The following PTPN14 variants were observed in gnomAD, a reference collection of about 807,000 sequenced individuals.
The protein encoded by PTPN14 is protein tyrosine phosphatase non-receptor type 14, also known as tyrosine-protein phosphatase non-receptor type 14.
PTPN14 carries 53 observed loss-of-function variants against 126.8 expected under a neutral mutation model. That is an observed-to-expected ratio of 0.42 (90% CI 0.34 to 0.53). PTPN14 has a LOEUF of 0.53. Ranked by LOEUF, PTPN14 falls within the 20% of genes least tolerant of loss-of-function variation. The pLI is 0.08. For missense variants in PTPN14, 1,257 were observed against 1,552.9 expected (o/e 0.81, Z 3.20); for synonymous variants, 630 against 599.3 (o/e 1.05, Z -0.75).
intron 1 of PTPN14, among the ~76,000 whole-genome samples, chr1:214,509,412 C>G (rs1654917875): frequency 6.6e-6 from 1 of 152,226 alleles, no homozygotes; most frequent in Non-Finnish European, 1.5e-5. Flanking sequence ...CCTCACCTCT[C>G]TCAGTCTTCA....
At chr1:214,518,078 A>G (rs77381309) in intron 1 of PTPN14, among the ~76,000 whole-genome samples, 3 of 152,336 alleles carry the variant, frequency 2.0e-5, no homozygotes, top group African/African-American at 4.8e-5. Flanking sequence ...CTGAGCTACC[A>G]TATTTATTTC....
intron 3 of PTPN14, among the ~76,000 whole-genome samples, chr1:214,423,733 C>A (rs1322277435): frequency 2.0e-5 from 3 of 152,152 alleles, no homozygotes; most frequent in African/African-American, 7.2e-5. Flanking sequence ...GTAAACCCAG[C>A]ACTTTGGGAG....
chr1:214,463,554 G>C (rs983549049), intron 2 of PTPN14, among the ~76,000 whole-genome samples: 1 of 152,204 alleles, frequency 6.6e-6, no homozygotes, highest in Non-Finnish European at 1.5e-5. Context: ...CAGCCAGCCT[G>C]TGGAAGACGT....
chr1:214,522,340 G>A (rs151172947), intron 1 of PTPN14, among the ~76,000 whole-genome samples: 38 of 152,150 alleles, frequency 2.5e-4, no homozygotes, highest in African/African-American at 8.2e-4. Flanking sequence ...GGAAACCTAC[G>A]GCAAGTTTGG....
intron 3 of PTPN14, among the ~76,000 whole-genome samples, chr1:214,449,223 G>A (rs1660217581): frequency 6.6e-6 from 1 of 151,736 alleles, no homozygotes; most frequent in South Asian, 2.1e-4. Flanking sequence ...AGCCAGGATG[G>A]TCTCGATCTC....
At chr1:214,476,303 G>T (rs1170658399) in intron 1 of PTPN14, among the ~76,000 whole-genome samples, 2 of 152,130 alleles carry the variant, frequency 1.3e-5, no homozygotes, top group Non-Finnish European at 2.9e-5. Context: ...TTCCAGCCAG[G>T]GCAGATGACT....
At chr1:214,518,763 T>C (rs1326574804) in intron 1 of PTPN14, among the ~76,000 whole-genome samples, 3 of 152,150 alleles carry the variant, frequency 2.0e-5, no homozygotes, top group Non-Finnish European at 2.9e-5. Flanking sequence ...GATAAAGTTA[T>C]ATTCAGCTAA....
At chr1:214,545,143 C>CA (rs1449233993) in intron 1 of PTPN14, among the ~76,000 whole-genome samples, 1 of 152,068 alleles carries the variant, frequency 6.6e-6, no homozygotes, top group African/African-American at 2.4e-5. Context: ...AAATAGTACT[C>CA]AAAAAAGTAA....
chr1:214,541,625 T>G (rs576474608), intron 1 of PTPN14, among the ~76,000 whole-genome samples: 85 of 152,326 alleles, frequency 5.6e-4, no homozygotes, highest in African/African-American at 1.9e-3. Context: ...GATGTTATTC[T>G]TAGCTCATCT....
chr1:214,509,298 C>T (rs191558258), intron 1 of PTPN14, among the ~76,000 whole-genome samples: 17 of 152,332 alleles, frequency 1.1e-4, no homozygotes, highest in Admixed American at 2.6e-4. Context: ...GCTTCTACAT[C>T]AGCACTTGCT....
At chr1:214,365,741 T>C (rs1320642800) in intron 17 of PTPN14, among the ~76,000 whole-genome samples, 1 of 152,140 alleles carries the variant, frequency 6.6e-6, no homozygotes, top group African/African-American at 2.4e-5. Context: ...CTGAAGTGCT[T>C]TACCAAAAAA....
chr1:214,486,300 A>T (rs4655354), intron 1 of PTPN14, among the ~76,000 whole-genome samples: 18,026 of 152,220 alleles, frequency 0.12, 1,565 homozygotes, highest in East Asian at 0.38. Flanking sequence ...TCTACAGAAC[A>T]GTAAATCAAA....
chr1:214,383,632 C>G lies in PTPN14; in HGVS notation c.2223G>C (p.Leu741=). 3 of 1,613,380 alleles carry G rather than the reference C, an allele frequency of 1.9e-6. No individual in the cohort carries two copies. The highest frequency in any genetic ancestry group is 2.5e-6 in the Non-Finnish European group (3 of 1,179,962). Residue 741 remains leucine (L), a synonymous_variant, in exon 13 of 19, where the codon CTG becomes CTC. Coordinates refer to ENST00000366956, the MANE Select transcript of PTPN14 (RefSeq NM_005401.5). The surrounding 1 kb of genome is among the most constrained non-coding windows in gnomAD (Gnocchi z 4.4). Reference sequence around the variant, plus strand: ...GCGGGGGCTTGTTGGGGATGCGGGCCAGGGCCGCCTGCAGCTGGGCACTGT... The same window carrying G: ...GCGGGGGCTTGTTGGGGATGCGGGCGAGGGCCGCCTGCAGCTGGGCACTGT... ...MEYSAQLQAA[L]ARIPNKPPPE... is the part of the protein sequence containing the mutation.
At chr1:214,396,947 C>T (rs796489318) in intron 8 of PTPN14, among the ~76,000 whole-genome samples, 34 of 152,302 alleles carry the variant, frequency 2.2e-4, no homozygotes, top group African/African-American at 7.9e-4. Context: ...ATGGAGCTGA[C>T]AGTAAGTCCA....
At chr1:214,533,054 A>G in intron 1 of PTPN14, 1 of 747,798 alleles carries the variant, frequency 1.3e-6, no homozygotes, top group East Asian at 2.5e-5. Context: ...GGAGCTGCTG[A>G]GATGACACTC....
Position 214,351,311 on chromosome 1 carries a change from A to C in PTPN14, c.*6611T>G, listed in dbSNP as rs1300732116. On this transcript the variant is annotated 3_prime_UTR_variant, in exon 19 of 19. Coordinates refer to ENST00000366956, the MANE Select transcript of PTPN14 (RefSeq NM_005401.5). ...AAACTAAAAAAAAAAAAAAAAAGAAAAAGAAAAAAAAAAAGGCAGCAGACC... is the reference window on the plus strand; with the variant it reads ...AAACTAAAAAAAAAAAAAAAAAGAACAAGAAAAAAAAAAAGGCAGCAGACC... 6.6e-5 allele frequency: 10 copies of C among 151,398 alleles called. No individual in the cohort carries two copies. The highest frequency in any genetic ancestry group is 1.3e-4 in the Non-Finnish European group (9 of 68,048). 9.4% of individuals were successfully genotyped at this position (151,398 alleles called of 1,614,324 possible). A position where few individuals can be genotyped will look rare whatever the true frequency, so the allele number is the denominator to read the frequency against.
chr1:214,544,007 T>A (rs943515766), intron 1 of PTPN14, among the ~76,000 whole-genome samples: 3 of 152,206 alleles, frequency 2.0e-5, no homozygotes, highest in Non-Finnish European at 2.9e-5. Flanking sequence ...AACCTCCACC[T>A]AAGATGAACT....
In PTPN14 at chr1:214,376,436, A is replaced by C. The variant is rs762232048; in HGVS notation, c.2690T>G (p.Phe897Cys). 7 of 1,608,254 alleles carry C rather than the reference A, an allele frequency of 4.4e-6. No homozygotes were observed. In the South Asian group the frequency reaches 7.7e-5, roughly 18 times the overall value. ...TTCTAGTTTCTTCTTCAGGGTTCTG[A>C]ACTGCAACAGAAATTGATCTTCAGC... ...DATRVPMDER[F>C]RTLKKKLEEG... Residue 897 changes from phenylalanine (F) to cysteine (C), a missense_variant and splice_region_variant, in exon 15 of 19, where the codon TTC becomes TGC. Phe to Cys is a radical substitution (Grantham distance 205). Coordinates refer to ENST00000366956, the MANE Select transcript of PTPN14 (RefSeq NM_005401.5).
At chr1:214,412,371 T>C (rs1354821649) in intron 4 of PTPN14, among the ~76,000 whole-genome samples, 1 of 152,236 alleles carries the variant, frequency 6.6e-6, no homozygotes, top group Non-Finnish European at 1.5e-5. Context: ...GAAATTTTAA[T>C]TTCATGTAAA....
Sources: allele counts gnomAD v4.1 joint callset (sites outside exome capture counted in the v4.1 genomes callset), GRCh38; gene constraint gnomAD v4.1.1; non-coding constraint Gnocchi (gnomAD v3.1); transcripts MANE v1.5; gene names NCBI Gene and HGNC (gene_info 2026-07-23, HGNC 2026-07-21).